Variants in SPAG16 observed in about 807,000 individuals in gnomAD.
SPAG16 encodes sperm-associated antigen 16 protein.
Under a neutral mutation model 80.4 loss-of-function variants are expected in SPAG16, and 86 were observed. The observed-to-expected ratio is 1.07, with a 90% confidence interval of 0.90 to 1.28. SPAG16 has a LOEUF of 1.28. SPAG16 is among the 50% of genes most tolerant of loss of function. The probability of loss-of-function intolerance (pLI) is 0.00; values close to 1 mark genes in which losing one functional copy is unlikely to be tolerated. For synonymous variants in SPAG16, 294 were observed against 265.9 expected (o/e 1.11, Z -1.03); for missense variants, 870 against 765.3 (o/e 1.14, Z -1.61).
At chr2:213,520,922 G>T (rs770006193) in intron 10 of SPAG16, among the ~76,000 whole-genome samples, 2 of 152,148 alleles carry the variant, frequency 1.3e-5, no homozygotes, top group African/African-American at 4.8e-5. Flanking sequence ...GATCCTCAGA[G>T]GTCCTACCAT....
chr2:214,340,966 C>G (rs1451065280), intron 15 of SPAG16, among the ~76,000 whole-genome samples: 1 of 152,092 alleles, frequency 6.6e-6, no homozygotes, highest in African/African-American at 2.4e-5. Flanking sequence ...AAGAAAATAT[C>G]AAGATAATAA....
At chr2:213,561,506 C>T (rs2059597104) in intron 10 of SPAG16, among the ~76,000 whole-genome samples, 1 of 152,036 alleles carries the variant, frequency 6.6e-6, no homozygotes, top group African/African-American at 2.4e-5. Flanking sequence ...TCATTGTATG[C>T]CTGTACCAAA....
intron 2 of SPAG16, 125 bp from the exon 3 acceptor site, chr2:213,297,137 A>G (rs1373692186): frequency 6.8e-7 from 1 of 1,475,040 alleles, no homozygotes; most frequent in South Asian, 1.3e-5. Flanking sequence ...TCAGAATGAC[A>G]TGGTATTTTA....
At chr2:213,854,778 A>G (rs2075072559) in intron 10 of SPAG16, among the ~76,000 whole-genome samples, 1 of 152,268 alleles carries the variant, frequency 6.6e-6, no homozygotes, top group South Asian at 2.1e-4. Flanking sequence ...CTCACATCTT[A>G]CTTCAGAGCC....
chr2:213,477,134 A>G (rs537283173), intron 9 of SPAG16, among the ~76,000 whole-genome samples: 1 of 152,124 alleles, frequency 6.6e-6, no homozygotes, highest in Non-Finnish European at 1.5e-5. Context: ...ACTGAGAGAG[A>G]GTAGATAAGA....
chr2:213,882,857 GTTTTTGTTTTTC>G (rs2076397870), intron 11 of SPAG16, among the ~76,000 whole-genome samples: 2 of 151,702 alleles, frequency 1.3e-5, no homozygotes, highest in South Asian at 4.2e-4. Context: ...TTGTTTCTTT[GTTTTTGTTTTTC>G]TTTTTGTTTT....
chr2:214,003,791 G>A (rs532799926), intron 12 of SPAG16, among the ~76,000 whole-genome samples: 2 of 152,274 alleles, frequency 1.3e-5, no homozygotes, highest in East Asian at 1.9e-4. Flanking sequence ...ATAGACAACA[G>A]CACTATCACT....
chr2:213,945,831 T>C (rs2079429333), intron 12 of SPAG16, among the ~76,000 whole-genome samples: 1 of 152,162 alleles, frequency 6.6e-6, no homozygotes, highest in Non-Finnish European at 1.5e-5. Flanking sequence ...GAGAAATAAA[T>C]GTTTATTATT....
At chr2:214,219,798 T>C (rs1169123944) in intron 15 of SPAG16, among the ~76,000 whole-genome samples, 1 of 152,146 alleles carries the variant, frequency 6.6e-6, no homozygotes, top group Non-Finnish European at 1.5e-5. Context: ...CTCACTGAAA[T>C]ATATTATTGC....
intron 6 of SPAG16, among the ~76,000 whole-genome samples, chr2:213,344,441 C>T (rs1348528102): frequency 1.3e-5 from 2 of 151,746 alleles, no homozygotes; most frequent in African/African-American, 4.8e-5. Context: ...AGGTTTGTTA[C>T]ATATGTATAC....
At chr2:213,660,411 T>C (rs2125179878) in intron 10 of SPAG16, among the ~76,000 whole-genome samples, 2 of 152,176 alleles carry the variant, frequency 1.3e-5, no homozygotes, top group Middle Eastern at 3.4e-3. Flanking sequence ...TATGTATGTA[T>C]GTACATATGT....
At chr2:213,296,464 G>A (rs115122279) in intron 2 of SPAG16, among the ~76,000 whole-genome samples, 49 of 152,274 alleles carry the variant, frequency 3.2e-4, no homozygotes, top group Admixed American at 5.2e-4. Context: ...GATTCCCACT[G>A]CTCAGTTGAA....
intron 12 of SPAG16, among the ~76,000 whole-genome samples, chr2:214,012,288 A>ATAT (rs1553694500): frequency 6.2e-4 from 29 of 46,808 alleles, no homozygotes; most frequent in East Asian, 3.3e-3. Context: ...ATATATATAT[A>ATAT]TTTTTTTTTT....
chr2:214,183,113 A>G (rs1339189358), intron 15 of SPAG16, among the ~76,000 whole-genome samples: 1 of 151,904 alleles, frequency 6.6e-6, no homozygotes, highest in African/African-American at 2.4e-5. Flanking sequence ...TCCTTTGTAT[A>G]CCTAAATGTA....
chr2:214,124,474 A>G (rs1433998916), intron 14 of SPAG16, among the ~76,000 whole-genome samples: 1 of 151,876 alleles, frequency 6.6e-6, no homozygotes, highest in Non-Finnish European at 1.5e-5. Context: ...AGTATAAAAA[A>G]CTACATGTAT....
chr2:213,435,582 A>T (rs2070581843), intron 9 of SPAG16, among the ~76,000 whole-genome samples: 1 of 152,108 alleles, frequency 6.6e-6, no homozygotes, highest in South Asian at 2.1e-4. Context: ...AAAATGTAAG[A>T]AGTTAATATT....
intron 7 of SPAG16, among the ~76,000 whole-genome samples, chr2:213,355,313 G>A (rs935273764): frequency 6.6e-6 from 1 of 152,142 alleles, no homozygotes; most frequent in Admixed American, 6.5e-5. Context: ...TTCCAGCTTT[G>A]TTCTTTTTGC....
chr2:214,314,338 C>A (rs1695537025), intron 15 of SPAG16, among the ~76,000 whole-genome samples: 3 of 152,196 alleles, frequency 2.0e-5, no homozygotes, highest in African/African-American at 7.2e-5. Flanking sequence ...TATTGAGTTA[C>A]ATTTACTTAT....
At chr2:214,122,374 A>C (rs55994306) in intron 14 of SPAG16, among the ~76,000 whole-genome samples, 1 of 151,744 alleles carries the variant, frequency 6.6e-6, no homozygotes, top group Non-Finnish European at 1.5e-5. Context: ...GCTTTTCCTA[A>C]GTTGCCGGTA....
Sources: allele counts gnomAD v4.1 joint callset (sites outside exome capture counted in the v4.1 genomes callset), GRCh38; gene constraint gnomAD v4.1.1; transcripts MANE v1.5; gene names NCBI Gene and HGNC (gene_info 2026-07-23, HGNC 2026-07-21).